COL6A6: variants seen among roughly 807,000 people sequenced by gnomAD.
COL6A6 encodes collagen type VI alpha 6 chain.
A neutral mutation model predicts 208.6 loss-of-function variants in COL6A6; 183 were observed. The ratio of observed to expected loss-of-function variants is 0.88; its 90% confidence interval spans 0.78 to 0.99. The LOEUF is 0.99. Ranked by LOEUF, COL6A6 falls within the 50% of genes least tolerant of loss-of-function variation. COL6A6 has a pLI of 0.00. For synonymous variants in COL6A6, 973 were observed against 1,011.8 expected, an observed-to-expected ratio of 0.96 and a Z score of 0.73; for missense variants, 2,816 against 2,815.2, an observed-to-expected ratio of 1.00 and a Z score of -0.01.
intron 24 of COL6A6, among the ~76,000 whole-genome samples, chr3:130,625,716 A>G (rs1488942290): frequency 2.0e-5 from 3 of 152,232 alleles, no homozygotes; most frequent in Non-Finnish European, 4.4e-5. Flanking sequence ...ATCCTGGAAC[A>G]GGAAAGGAAT....
intron 2 of COL6A6, 57 bp downstream of exon 2, chr3:130,560,485 G>T: frequency 7.0e-7 from 1 of 1,430,148 alleles, no homozygotes; most frequent in South Asian, 1.2e-5. Context: ...GATAATACAT[G>T]AGTTTGACCT....
intron 32 of COL6A6, among the ~76,000 whole-genome samples, chr3:130,646,548 C>T (rs893987562): frequency 1.3e-5 from 2 of 152,042 alleles, no homozygotes; most frequent in Admixed American, 6.6e-5. Flanking sequence ...CATTCCAGCC[C>T]GGGTGATAGT....
rs775249283 is a variant in COL6A6, at chr3:130,657,231, C to T, written c.5734-1445C>T. Among the ~76,000 whole-genome samples, 3 of 152,210 alleles carry T rather than the reference C, an allele frequency of 2.0e-5. 1 individual carries two copies. The highest frequency in any genetic ancestry group is 4.1e-4 in the South Asian group (2 of 4,828). ...CAGGGTTCCATGGAGTGTGCAGCCC[C>T]GACTGTACTCAGGTAGCATGAACCA... On this transcript the variant is annotated intron_variant, in intron 33 of 36. Coordinates refer to ENST00000358511, the MANE Select transcript of COL6A6 (RefSeq NM_001102608.3).
At chr3:130,667,686 G>T (rs1382204630) in intron 36 of COL6A6, among the ~76,000 whole-genome samples, 1 of 152,012 alleles carries the variant, frequency 6.6e-6, no homozygotes, top group Non-Finnish European at 1.5e-5. Flanking sequence ...AAATGTTTTT[G>T]ATTTATTTAA....
intron 1 of COL6A6, among the ~76,000 whole-genome samples, chr3:130,554,840 T>C (rs1377507042): frequency 6.6e-6 from 1 of 151,972 alleles, no homozygotes; most frequent in Non-Finnish European, 1.5e-5. Flanking sequence ...AGTGAGCTAG[T>C]GTATATTGGC....
chr3:130,670,389 T>G (rs1379940886), intron 36 of COL6A6, among the ~76,000 whole-genome samples: 1 of 152,210 alleles, frequency 6.6e-6, no homozygotes, highest in East Asian at 1.9e-4. Flanking sequence ...GGCACAGCAC[T>G]TGGGGTTTAG....
Position 130,606,839 on chromosome 3 carries a change from G to T in COL6A6, c.4654-92G>T. The T allele has an allele frequency of 4.3e-6, 4 of 936,430 alleles. No homozygotes were observed. In the South Asian group the frequency reaches 6.9e-5, roughly 16 times the overall value. The allele number at this position is 936,430 out of a possible 1,614,324, so 58.0% of individuals were successfully genotyped here. ...GCACTATGTGGGAATTGTTATGTAT[G>T]TTGGTGCCTTAAAGTGTCCATTATG... is the stretch of plus-strand genomic sequence containing the variant. On this transcript the variant is annotated intron_variant, in intron 20 of 36. Coordinates refer to ENST00000358511, the MANE Select transcript of COL6A6 (RefSeq NM_001102608.3).
chr3:130,547,174 A>G (rs1386281200), intron 1 of COL6A6, among the ~76,000 whole-genome samples: 2 of 152,350 alleles, frequency 1.3e-5, no homozygotes, highest in East Asian at 3.9e-4. Flanking sequence ...GGGCTCGGGC[A>G]TGGCAGGCTG....
intron 34 of COL6A6, 150 bp from the exon 35 acceptor site, chr3:130,661,487 T>C: frequency 3.1e-6 from 2 of 639,520 alleles, no homozygotes; most frequent in South Asian, 4.8e-5. Context: ...ATGCAAACCA[T>C]GTACTAGGAA....
chr3:130,529,818 C>T (rs1400667957), intron 1 of COL6A6, among the ~76,000 whole-genome samples: 2 of 152,162 alleles, frequency 1.3e-5, no homozygotes, highest in Non-Finnish European at 2.9e-5. Context: ...AGGGAAAGGA[C>T]CATGACTGCC....
chr3:130,610,409 T>C (rs997083284), intron 22 of COL6A6, among the ~76,000 whole-genome samples: 40 of 152,298 alleles, frequency 2.6e-4, no homozygotes, highest in Admixed American at 2.2e-3. Context: ...AGTATTTTTT[T>C]CCAAGCCCCA....
At chr3:130,644,326 C>T (rs1291516375) in intron 31 of COL6A6, among the ~76,000 whole-genome samples, 1 of 152,110 alleles carries the variant, frequency 6.6e-6, no homozygotes, top group African/African-American at 2.4e-5. Flanking sequence ...CTGTGATGTC[C>T]AGTACAGTAG....
intron 36 of COL6A6, among the ~76,000 whole-genome samples, chr3:130,671,846 TTATA>T (rs2066225627): frequency 6.6e-6 from 1 of 152,138 alleles, no homozygotes; most frequent in African/African-American, 2.4e-5. Context: ...GGCACCCTCT[TTATA>T]TAAGCACTTA....
At chr3:130,519,017 A>G (rs946733015) in intron 1 of COL6A6, among the ~76,000 whole-genome samples, 1 of 152,192 alleles carries the variant, frequency 6.6e-6, no homozygotes, top group Non-Finnish European at 1.5e-5. Context: ...TTGTGAACCA[A>G]TTCTCCGGAA....
intron 24 of COL6A6, among the ~76,000 whole-genome samples, chr3:130,622,607 T>C (rs907438234): frequency 2.6e-5 from 4 of 151,638 alleles, no homozygotes; most frequent in South Asian, 2.1e-4. Flanking sequence ...CCTGTAATCC[T>C]AGCACTTTGG....
At position 130,635,745 on chromosome 3, in the gene COL6A6, G is replaced by C; in HGVS notation, c.5075G>C (p.Gly1692Ala). ...PGGPGETGLK[G>A]ARGKMISAGL... is the part of the protein sequence containing the mutation. Reference sequence around the variant, plus strand: ...GGTCCAGGAGAGACTGGGCTGAAGGGAGCTAGAGGCAAAATGGTAAGCTTC... The same window carrying C: ...GGTCCAGGAGAGACTGGGCTGAAGGCAGCTAGAGGCAAAATGGTAAGCTTC... The change falls in exon 28 of 37, where the codon GGA (glycine) becomes GCA (alanine). Residue 1692 changes from glycine to alanine, a missense_variant. Physicochemically the swap from Gly to Ala is moderately conservative, Grantham distance 60. Transcript: ENST00000358511. 14 of 1,612,440 alleles carry C rather than the reference G, an allele frequency of 8.7e-6. No homozygotes were observed. Among genetic ancestry groups the C allele is most frequent in the Non-Finnish European group, 1.2e-5 (14 of 1,178,650 alleles).
chr3:130,570,943 A>G lies in COL6A6; in HGVS notation c.2527A>G (p.Lys843Glu), dbSNP rs761804264. ...CTTAGTGAAAAAAGCTGATGTGGGC[A>G]AGAATCAGGTCCGGTTTGGGGCTCT... is the stretch of plus-strand genomic sequence containing the variant. ...IGLVKKADVG[K>E]NQVRFGALKY... Residue 843 changes from lysine to glutamate, a missense_variant, in exon 7 of 37, where the codon AAG (lysine) becomes GAG (glutamate). Coordinates refer to ENST00000358511, the MANE Select transcript of COL6A6 (RefSeq NM_001102608.3). The G allele has an allele frequency of 1.9e-5, 30 of 1,614,056 alleles. No homozygotes were observed. The Admixed American group carries it at 4.7e-4, about 25-fold the overall frequency.
At chr3:130,528,492 G>T (rs906441690) in intron 1 of COL6A6, among the ~76,000 whole-genome samples, 5 of 152,188 alleles carry the variant, frequency 3.3e-5, no homozygotes, top group Admixed American at 3.3e-4. Context: ...TTTAGACTTT[G>T]CAGGTCATAC....
rs151088131 is a variant in COL6A6 at position 130,627,665 on chromosome 3, C to T, written c.4992+296C>T. On this transcript the variant is annotated intron_variant, in intron 26 of 36. Transcript: ENST00000358511. ...ACAGTGCATGTAATCTTAGCCACTCCAGGCTCAAGTTTACTCAGGGAAGCA... is the reference window on the plus strand; with the variant it reads ...ACAGTGCATGTAATCTTAGCCACTCTAGGCTCAAGTTTACTCAGGGAAGCA... Among the ~76,000 whole-genome samples the T allele has an allele frequency of 1.4e-4, 21 of 152,274 alleles. No individual in the cohort carries two copies. The East Asian group carries it at 4.1e-3, about 29-fold the overall frequency.
Sources: gnomAD v4.1 joint callset for allele counts (sites outside exome capture counted in the v4.1 genomes callset) on GRCh38, gnomAD v4.1.1 for gene constraint, MANE v1.5 for transcripts, NCBI Gene and HGNC (gene_info 2026-07-23, HGNC 2026-07-21) for gene names.